PDE6A: variants seen among roughly 807,000 people sequenced by gnomAD.
PDE6A encodes the protein rod cGMP-specific 3',5'-cyclic phosphodiesterase subunit alpha.
PDE6A carries 84 observed loss-of-function variants against 106.3 expected under a neutral mutation model. The ratio of observed to expected loss-of-function variants is 0.79; its 90% CI spans 0.66 to 0.95. PDE6A has a LOEUF of 0.95. Among genes scored for constraint, PDE6A ranks in the 40% least tolerant of loss-of-function variants. The pLI is 0.00. For missense variants in PDE6A, 1,052 were observed against 1,084.9 expected, an observed-to-expected ratio of 0.97 and a Z score of 0.43; for synonymous variants, 394 against 386.6, an observed-to-expected ratio of 1.02 and a Z score of -0.23.
chr5:149,860,755 C>G lies in PDE6A; in HGVS notation c.*140G>C. 1.5e-6 allele frequency: 1 copy of G among 653,250 alleles called. No homozygotes were observed. Among genetic ancestry groups the G allele is most frequent in the South Asian group, 2.1e-5 (1 of 47,268 alleles). The allele number at this position is 653,250 out of a possible 1,614,324, so 40.5% of individuals were successfully genotyped here. A position where few individuals can be genotyped will look rare whatever the true frequency, so the allele number is the denominator to read the frequency against. ...GGCCCAGGGAAGCCAAAAGATTGAA[C>G]AGTCCTGGAAGCTAAATTCTCTAAC... is the stretch of plus-strand genomic sequence containing the variant. On this transcript the variant is annotated 3_prime_UTR_variant, in exon 22 of 22. Transcript: ENST00000255266.
In PDE6A at chr5:149,894,846, G is replaced by A. The variant is rs193236574; in HGVS notation, c.1728+337C>T. On this transcript the variant is annotated intron_variant, in intron 13 of 21. Transcript: ENST00000255266. ...GGGTTTCACCATCTTGGCCAGGCTG[G>A]TCTTGAACTCCTGACCTCGTGATCC... 1.3e-4 allele frequency among the ~76,000 whole-genome samples: 20 copies of A among 152,062 alleles called. No homozygotes were observed. In the East Asian group the frequency reaches 1.6e-3, roughly 12 times the overall value.
chr5:149,860,782 G>T lies in PDE6A; in HGVS notation c.*113C>A. On this transcript the variant is annotated 3_prime_UTR_variant, in exon 22 of 22. Coordinates refer to ENST00000255266, the MANE Select transcript of PDE6A (RefSeq NM_000440.3). ...GTCCTGGAAGCTAAATTCTCTAACA[G>T]CTTTCAAATCCTATGACTCTTCTAC... 2 of 874,800 alleles carry T rather than the reference G, an allele frequency of 2.3e-6. No homozygotes were observed. The highest frequency in any genetic ancestry group is 3.7e-6 in the Non-Finnish European group (2 of 542,580). 54.2% of individuals were successfully genotyped at this position (874,800 alleles called of 1,614,324 possible).
chr5:149,939,132 A>G (rs1453592319), intron 1 of PDE6A, among the ~76,000 whole-genome samples: 1 of 152,176 alleles, frequency 6.6e-6, no homozygotes, highest in Admixed American at 6.5e-5. Context: ...ACGTGCAAAT[A>G]CCAAGTACGC....
chr5:149,915,621 C>G (rs1753527689), intron 5 of PDE6A, among the ~76,000 whole-genome samples: 1 of 152,048 alleles, frequency 6.6e-6, no homozygotes, highest in Admixed American at 6.6e-5. Flanking sequence ...GGATCTGAGG[C>G]TGGGAAGAGG....
intron 17 of PDE6A, among the ~76,000 whole-genome samples, chr5:149,874,972 G>A (rs1260434255): frequency 1.3e-5 from 2 of 152,138 alleles, no homozygotes; most frequent in African/African-American, 4.8e-5. Flanking sequence ...GGAAACTGAG[G>A]TGAGGGAGTA....
chr5:149,901,259 T>A (rs1752967360), intron 8 of PDE6A, among the ~76,000 whole-genome samples: 1 of 152,254 alleles, frequency 6.6e-6, no homozygotes, highest in South Asian at 2.1e-4. Context: ...CTGGGCGCAG[T>A]GGCTCACGCC....
intron 4 of PDE6A, among the ~76,000 whole-genome samples, chr5:149,928,870 C>T (rs1753946696): frequency 6.6e-6 from 1 of 152,004 alleles, no homozygotes. Context: ...ATAATACATC[C>T]AAATGGCCAA....
rs1753720978 is a variant in PDE6A, at chr5:149,921,532, A to G, written c.933+103T>C. The G allele has an allele frequency of 3.5e-6, 3 of 865,166 alleles. No individual in the cohort carries two copies. The East Asian group carries it at 7.6e-5, about 22-fold the overall frequency. 53.6% of individuals were successfully genotyped at this position (865,166 alleles called of 1,614,324 possible). A position where few individuals can be genotyped will look rare whatever the true frequency, so the allele number is the denominator to read the frequency against. ...AACTTCAAAGGAGACAACCCAACGC[A>G]AAGACAAATACCTATATGCTAATAA... On this transcript the variant is annotated intron_variant, in intron 5 of 21. Transcript: ENST00000255266.
At chr5:149,916,028 A>C (rs181572388) in intron 5 of PDE6A, among the ~76,000 whole-genome samples, 2 of 152,320 alleles carry the variant, frequency 1.3e-5, no homozygotes, top group East Asian at 3.9e-4. Flanking sequence ...GCTGGAGTGC[A>C]GTGGCACAGT....
intron 13 of PDE6A, among the ~76,000 whole-genome samples, chr5:149,887,587 T>C (rs372747083): frequency 5.1e-4 from 78 of 152,088 alleles, no homozygotes; most frequent in African/African-American, 1.8e-3. Flanking sequence ...TTTTGTAAGC[T>C]CCCCATTATT....
At chr5:149,923,226 G>A (rs897491739) in intron 4 of PDE6A, among the ~76,000 whole-genome samples, 3 of 152,106 alleles carry the variant, frequency 2.0e-5, no homozygotes, top group Non-Finnish European at 4.4e-5. Flanking sequence ...GGTCGGGCAC[G>A]GTGGCTCACA....
chr5:149,934,524 A>C (rs773631443), intron 2 of PDE6A, 42 bp downstream of exon 2: 2 of 1,605,298 alleles, frequency 1.2e-6, no homozygotes, highest in Middle Eastern at 1.7e-4. Flanking sequence ...GGCTGGGAGA[A>C]TGTGCTAGCA....
chr5:149,890,248 C>T (rs961087234), intron 13 of PDE6A, among the ~76,000 whole-genome samples: 9 of 152,168 alleles, frequency 5.9e-5, no homozygotes, highest in African/African-American at 2.2e-4. Flanking sequence ...TGAGCCACTG[C>T]GTCTGGCCCC....
At chr5:149,867,630 T>C in intron 19 of PDE6A, 95 bp downstream of exon 19, 1 of 1,110,804 alleles carries the variant, frequency 9.0e-7, no homozygotes, top group Admixed American at 1.9e-5. Flanking sequence ...ATCTTTATGG[T>C]AAAGTCACAC....
chr5:149,908,679 A>AT (rs199665248), intron 6 of PDE6A, among the ~76,000 whole-genome samples: 2 of 149,938 alleles, frequency 1.3e-5, no homozygotes, highest in Non-Finnish European at 3.0e-5. Context: ...ACTTTTACTC[A>AT]TTTTTTGTTC....
chr5:149,944,363 C>A lies in PDE6A; in HGVS notation c.311G>T (p.Gly104Val), dbSNP rs781117628. The A allele has an allele frequency of 6.2e-7, 1 of 1,614,106 alleles. No homozygotes were observed. The highest frequency in any genetic ancestry group is 8.5e-7 in the Non-Finnish European group (1 of 1,180,012). ...MSLFMYRTRN[G>V]IAELATRLFN... The stretch of plus-strand genomic sequence containing the variant: ...AAGCCTGGTGGCCAGCTCTGCGATG[C>A]CATTGCGGGTCCGGTACATGAACAG... Residue 104 changes from glycine to valine, a missense_variant, in exon 1 of 22, where the codon GGC becomes GTC. Gly to Val is a moderately radical substitution (Grantham distance 109). Transcript: ENST00000255266.
In PDE6A at chr5:149,888,697, T is replaced by C. The variant is rs548587083; in HGVS notation, c.1729-2323A>G. Reference sequence around the variant, plus strand: ...TCCAAAATGAGAAGAGGAAAAAGTATAGGAAAAAGTTGAATGGATAAGAAA... The same window carrying C: ...TCCAAAATGAGAAGAGGAAAAAGTACAGGAAAAAGTTGAATGGATAAGAAA... On this transcript the variant is annotated intron_variant, in intron 13 of 21. Transcript: ENST00000255266. Among the ~76,000 whole-genome samples the C allele has an allele frequency of 4.2e-3, 493 of 116,580 alleles. 2 individuals are homozygous for C. The highest frequency in any genetic ancestry group is 8.0e-3 in the Admixed American group (103 of 12,804). 76.5% of individuals were successfully genotyped at this position (116,580 alleles called of 152,430 possible).
At chr5:149,903,764 T>C in intron 7 of PDE6A, 69 bp from the exon 8 acceptor site, 4 of 1,132,554 alleles carry the variant, frequency 3.5e-6, no homozygotes, top group Non-Finnish European at 5.4e-6. Flanking sequence ...AAGCACTGTA[T>C]ACCATTTTCA....
chr5:149,897,635 G>A (rs10066542), intron 10 of PDE6A, among the ~76,000 whole-genome samples: 7,351 of 152,198 alleles, frequency 0.048, 216 homozygotes, highest in African/African-American at 0.076. Flanking sequence ...CTGAAGCATG[G>A]TGTGGCAATC....
Sources: gnomAD v4.1 joint callset for allele counts (sites outside exome capture counted in the v4.1 genomes callset) on GRCh38, gnomAD v4.1.1 for gene constraint, MANE v1.5 for transcripts, NCBI Gene and HGNC (gene_info 2026-07-23, HGNC 2026-07-21) for gene names.